Variants in TANC1 observed in about 807,000 individuals in gnomAD.
TANC1 encodes the protein protein TANC1.
Under a neutral mutation model 149.7 loss-of-function variants are expected in TANC1, and 77 were observed. The observed-to-expected ratio is 0.51, with a 90% CI of 0.43 to 0.62. The LOEUF (loss-of-function observed/expected upper bound fraction) is 0.62, where lower values mean the gene tolerates loss of function less well. TANC1 is among the 20% of genes least tolerant of loss of function. The probability of loss-of-function intolerance (pLI) is 0.00; values close to 1 mark genes in which losing one functional copy is unlikely to be tolerated. For synonymous variants in TANC1, 854 were observed against 925.0 expected, an observed-to-expected ratio of 0.92 and a Z score of 1.39; for missense variants, 1,985 against 2,321.8, an observed-to-expected ratio of 0.85 and a Z score of 2.98.
chr2:158,987,486 C>T (rs1243944331), intron 1 of TANC1, among the ~76,000 whole-genome samples: 5 of 152,166 alleles, frequency 3.3e-5, no homozygotes, highest in African/African-American at 7.2e-5. Flanking sequence ...TATGATCACG[C>T]CACTGCACTC....
chr2:158,982,957 G>A (rs1026531963), intron 1 of TANC1, among the ~76,000 whole-genome samples: 40 of 152,044 alleles, frequency 2.6e-4, no homozygotes, highest in African/African-American at 8.9e-4. Flanking sequence ...TGGATCAGTT[G>A]TTAAATTGAA....
intron 4 of TANC1, among the ~76,000 whole-genome samples, chr2:159,124,361 C>G (rs1021034119): frequency 1.3e-5 from 2 of 152,112 alleles, no homozygotes; most frequent in Non-Finnish European, 2.9e-5. Context: ...AAAAACAAGC[C>G]TGAGTGGGGC....
chr2:159,185,762 G>A (rs78921157), intron 14 of TANC1, 29 bp from the exon 15 acceptor site: 93,100 of 1,538,124 alleles, frequency 0.061, 3,939 homozygotes, highest in Admixed American at 0.21. Context: ...GGGCTCTTCT[G>A]CTGTGAGCCT....
intron 2 of TANC1, among the ~76,000 whole-genome samples, chr2:159,037,942 G>A (rs2040332807): frequency 6.6e-6 from 1 of 152,100 alleles, no homozygotes; most frequent in Non-Finnish European, 1.5e-5. Context: ...AAATTACCTT[G>A]GGCAGTATGG....
At chr2:159,125,315 T>C in intron 4 of TANC1, among the ~76,000 whole-genome samples, 1 of 152,186 alleles carries the variant, frequency 6.6e-6, no homozygotes, top group East Asian at 1.9e-4. Context: ...AGACAGTGTT[T>C]CATAGACATT....
At chr2:159,125,676 G>A (rs1171711383) in intron 4 of TANC1, among the ~76,000 whole-genome samples, 1 of 148,566 alleles carries the variant, frequency 6.7e-6, no homozygotes, top group African/African-American at 2.5e-5. Flanking sequence ...TGCAACCTCC[G>A]ACTCCCGGGT....
At chr2:159,134,577 G>A (rs1261444847) in intron 4 of TANC1, among the ~76,000 whole-genome samples, 1 of 152,284 alleles carries the variant, frequency 6.6e-6, no homozygotes, top group South Asian at 2.1e-4. Flanking sequence ...CCACCTCCTG[G>A]GTTCAAGCGA....
intron 14 of TANC1, among the ~76,000 whole-genome samples, 184 bp downstream of exon 14, chr2:159,179,347 T>C (rs1175522095): frequency 1.3e-5 from 2 of 152,088 alleles, no homozygotes; most frequent in Non-Finnish European, 2.9e-5. Context: ...GAATTCTCTA[T>C]ACAGAAGCTG....
At chr2:159,102,522 G>A (rs2046822194) in intron 4 of TANC1, among the ~76,000 whole-genome samples, 1 of 135,436 alleles carries the variant, frequency 7.4e-6, no homozygotes, top group African/African-American at 2.7e-5. Context: ...TTGAACTCCT[G>A]GCCTCAAGTG....
At chr2:159,140,603 A>G (rs1201043495) in intron 5 of TANC1, among the ~76,000 whole-genome samples, 5 of 151,800 alleles carry the variant, frequency 3.3e-5, no homozygotes, top group African/African-American at 1.2e-4. Flanking sequence ...AGACCTGTAT[A>G]TGGCGTGACT....
chr2:159,194,391 C>T lies in TANC1; in HGVS notation c.2877C>T (p.Ala959=), dbSNP rs758298627. ...TCACTCTGCTCCTGGAATTTGGTGC[C>T]TGCCTGGACGGAACGTCAGAGAACG... ...EVVTLLLEFG[A]CLDGTSENGM... is the part of the protein sequence containing the mutation. Residue 959 remains alanine (A), a synonymous_variant, in exon 17 of 27, where the codon GCC becomes GCT. Transcript: ENST00000263635. 22 of 1,614,150 alleles carry T rather than the reference C, an allele frequency of 1.4e-5. No homozygotes were observed. The South Asian group carries it at 2.4e-4, about 18-fold the overall frequency.
At chr2:159,053,598 A>G (rs561825945) in intron 2 of TANC1, among the ~76,000 whole-genome samples, 1 of 152,356 alleles carries the variant, frequency 6.6e-6, no homozygotes, top group Admixed American at 6.5e-5. Context: ...AATTGCCCAG[A>G]GAAAGACATT....
At chr2:159,229,512 T>C in intron 26 of TANC1, 66 bp from the exon 27 acceptor site, 2 of 1,304,616 alleles carry the variant, frequency 1.5e-6, no homozygotes, top group Non-Finnish European at 2.1e-6. Flanking sequence ...AGCTCTTTTA[T>C]GAACAGTTAC....
chr2:159,164,299 C>T (rs763674004), intron 8 of TANC1, among the ~76,000 whole-genome samples: 3 of 152,192 alleles, frequency 2.0e-5, no homozygotes, highest in Non-Finnish European at 4.4e-5. Flanking sequence ...TTTAAAAATA[C>T]AGTCTCACAA....
chr2:159,050,946 A>G (rs2041419448), intron 2 of TANC1, among the ~76,000 whole-genome samples: 1 of 152,228 alleles, frequency 6.6e-6, no homozygotes, highest in Non-Finnish European at 1.5e-5. Flanking sequence ...GAGAAGTTTT[A>G]CTGCATAAAA....
intron 3 of TANC1, among the ~76,000 whole-genome samples, chr2:159,080,085 C>G (rs1288188279): frequency 6.6e-6 from 1 of 152,164 alleles, no homozygotes; most frequent in African/African-American, 2.4e-5. Flanking sequence ...GGCTCTGCAA[C>G]CCCCGGGACA....
intron 19 of TANC1, among the ~76,000 whole-genome samples, chr2:159,205,736 C>T (rs1287195257): frequency 6.6e-6 from 1 of 152,238 alleles, no homozygotes. Context: ...GGATGCATCC[C>T]TGTCATTGAT....
chr2:159,123,235 C>T (rs1490044907), intron 4 of TANC1, among the ~76,000 whole-genome samples: 1 of 152,032 alleles, frequency 6.6e-6, no homozygotes, highest in African/African-American at 2.4e-5. Context: ...TTCAGGTGCT[C>T]CCTTCCGATG....
chr2:159,219,408 A>G, intron 21 of TANC1, 47 bp downstream of exon 21: 1 of 1,612,102 alleles, frequency 6.2e-7, no homozygotes, highest in Non-Finnish European at 8.5e-7. Context: ...GGACACAGAG[A>G]GAACTTCAGC....
Sources: gnomAD v4.1 joint callset for allele counts (sites outside exome capture counted in the v4.1 genomes callset) on GRCh38, gnomAD v4.1.1 for gene constraint, MANE v1.5 for transcripts, NCBI Gene and HGNC (gene_info 2026-07-23, HGNC 2026-07-21) for gene names.